The following NIPAL1 variants were observed in gnomAD, a reference collection of about 807,000 sequenced individuals.
The protein encoded by NIPAL1 is magnesium transporter NIPA3.
NIPAL1 carries 35 observed loss-of-function variants against 37.7 expected under a neutral mutation model. That is an observed-to-expected ratio of 0.93 (90% CI 0.71 to 1.23). The LOEUF is 1.23. Among genes scored for constraint, NIPAL1 ranks in the 50% most tolerant of loss-of-function variants. The pLI is 0.00. For missense variants in NIPAL1, 412 were observed against 473.9 expected, an observed-to-expected ratio of 0.87 and a Z score of 1.21; for synonymous variants, 162 against 183.0, an observed-to-expected ratio of 0.89 and a Z score of 0.93.
At chr4:48,019,151 G>A (rs1715517178) in intron 1 of NIPAL1, among the ~76,000 whole-genome samples, 1 of 152,264 alleles carries the variant, frequency 6.6e-6, no homozygotes, top group East Asian at 1.9e-4. Context: ...TCAAGTAGCT[G>A]GGAATACAGG....
chr4:48,023,169 C>G (rs1715613575), intron 1 of NIPAL1, among the ~76,000 whole-genome samples: 1 of 152,008 alleles, frequency 6.6e-6, no homozygotes, highest in Non-Finnish European at 1.5e-5. Flanking sequence ...CTCTGCCTCC[C>G]TAAGTGCTGG....
chr4:48,016,938 G>C (rs1342513416), intron 1 of NIPAL1, 53 bp downstream of exon 1: 1 of 1,501,124 alleles, frequency 6.7e-7, no homozygotes, highest in Non-Finnish European at 9.1e-7. Flanking sequence ...CGAAGAGACC[G>C]GGTGGGCGGT....
chr4:48,017,704 A>G (rs771867525), intron 1 of NIPAL1, among the ~76,000 whole-genome samples: 25 of 152,130 alleles, frequency 1.6e-4, no homozygotes, highest in Non-Finnish European at 3.4e-4. Flanking sequence ...AGGGGGAGCG[A>G]CTGGAAGGAT....
intron 1 of NIPAL1, among the ~76,000 whole-genome samples, chr4:48,019,550 G>C (rs937890695): frequency 6.6e-6 from 1 of 152,176 alleles, no homozygotes; most frequent in Non-Finnish European, 1.5e-5. Flanking sequence ...GAAGAAGCTA[G>C]CTATGCCAGC....
At chr4:48,023,901 G>A (rs1715626850) in intron 1 of NIPAL1, among the ~76,000 whole-genome samples, 1 of 150,960 alleles carries the variant, frequency 6.6e-6, no homozygotes. Flanking sequence ...CTTTTAAAAC[G>A]TTTTTTGAAA....
chr4:48,033,114 T>C, intron 4 of NIPAL1, 31 bp downstream of exon 4: 2 of 1,378,872 alleles, frequency 1.5e-6, no homozygotes, highest in Non-Finnish European at 2.1e-6. Flanking sequence ...TTGGCTTCTG[T>C]AGGTATTTTA....
At chr4:48,025,432 T>A in intron 2 of NIPAL1, 98 bp downstream of exon 2, 1 of 1,218,004 alleles carries the variant, frequency 8.2e-7, no homozygotes. Context: ...CTTGTGTAAT[T>A]ATAGTTATTG....
Position 48,016,888 on chromosome 4 carries a change from T to C in NIPAL1, c.46+3T>C. ...GCCCGGAGAGCCCTGCCGAGAAGGTTTGTGTCTGCCCTGAGCCGAGGGACC... is the reference window on the plus strand; with the variant it reads ...GCCCGGAGAGCCCTGCCGAGAAGGTCTGTGTCTGCCCTGAGCCGAGGGACC... On this transcript the variant is annotated splice_donor_region_variant and intron_variant, in intron 1 of 5. Transcript: ENST00000295461. 6.3e-7 allele frequency: 1 copy of C among 1,597,066 alleles called. No individual in the cohort carries two copies. Among genetic ancestry groups the C allele is most frequent in the Non-Finnish European group, 8.5e-7 (1 of 1,173,810 alleles).
chr4:48,019,762 T>A lies in NIPAL1; in HGVS notation c.46+2877T>A, dbSNP rs185886676. 3.3e-5 allele frequency among the ~76,000 whole-genome samples: 5 copies of A among 151,958 alleles called. 1 individual carries two copies. Among genetic ancestry groups the A allele is most frequent in the South Asian group, 2.1e-4 (1 of 4,800 alleles). The stretch of plus-strand genomic sequence containing the variant: ...AATGAGAAGGGAAGCCCTTGTGGAG[T>A]TTTGGAAGGAGGAATGACAAGATCA... On this transcript the variant is annotated intron_variant, in intron 1 of 5. Coordinates refer to ENST00000295461, the MANE Select transcript of NIPAL1 (RefSeq NM_207330.3).
chr4:48,019,668 G>GCT (rs1327948246), intron 1 of NIPAL1, among the ~76,000 whole-genome samples: 1 of 152,216 alleles, frequency 6.6e-6, no homozygotes, highest in Non-Finnish European at 1.5e-5. Context: ...AGGGAATGAG[G>GCT]TTAGGCAGCT....
chr4:48,037,304 A>C lies in NIPAL1; in HGVS notation c.*1132A>C, dbSNP rs1036767752. On this transcript the variant is annotated 3_prime_UTR_variant, in exon 6 of 6. Coordinates refer to ENST00000295461, the MANE Select transcript of NIPAL1 (RefSeq NM_207330.3). ...GTTCCATTAATTAACTCAGGTCTGG[A>C]AGACATAGGACAAAATGGAGTTTCT... 6.6e-5 allele frequency: 28 copies of C among 427,356 alleles called. No individual in the cohort carries two copies. In the Middle Eastern group the frequency reaches 1.0e-3, roughly 15 times the overall value. The allele number at this position is 427,356 out of a possible 1,614,324, so 26.5% of individuals were successfully genotyped here. A position where few individuals can be genotyped will look rare whatever the true frequency, so the allele number is the denominator to read the frequency against.
At chr4:48,034,462 A>T (rs894788842) in intron 4 of NIPAL1, among the ~76,000 whole-genome samples, 1 of 152,210 alleles carries the variant, frequency 6.6e-6, no homozygotes, top group Non-Finnish European at 1.5e-5. Flanking sequence ...GAACTAGCTG[A>T]TTATTAGCCC....
intron 4 of NIPAL1, 77 bp downstream of exon 4, chr4:48,033,160 G>A: frequency 1.1e-6 from 1 of 877,924 alleles, no homozygotes; most frequent in Non-Finnish European, 1.8e-6. Flanking sequence ...TAAACATATG[G>A]CTATGGATAT....
Position 48,035,733 on chromosome 4 carries a change from TA to T in NIPAL1, c.795del (p.Ile265MetfsTer23), listed in dbSNP as rs1560325961. On this transcript the variant is annotated frameshift_variant, in exon 6 of 6. Transcript: ENST00000295461. LOFTEE classifies it high-confidence loss of function. ...CTGGGAATTGCCATTAAGGAGCTGA[TA>T]GAATGGAAGCCAGTTTACAAACATC... ...KGLGIAIKEL[I>X]EWKPVYKHPL... 1.2e-6 allele frequency: 2 copies of T among 1,614,122 alleles called. No homozygotes were observed. The highest frequency in any genetic ancestry group is 2.7e-5 in the African/African-American group (2 of 75,048).
Position 48,039,239 on chromosome 4 carries a change from G to A in NIPAL1, c.*3067G>A, listed in dbSNP as rs533629558. ...GGGTGCCTATAATCCCAACTACCCC[G>A]GAGGCTGAGGCAGGGAATTGCTTGA... On this transcript the variant is annotated 3_prime_UTR_variant, in exon 6 of 6. Transcript: ENST00000295461. The A allele has an allele frequency of 3.3e-5, 5 of 152,062 alleles. No homozygotes were observed. The highest frequency in any genetic ancestry group is 2.1e-4 in the South Asian group (1 of 4,812). 9.4% of individuals were successfully genotyped at this position (152,062 alleles called of 1,614,324 possible).
chr4:48,016,865 C>T lies in NIPAL1; in HGVS notation c.26C>T (p.Pro9Leu). The change falls in exon 1 of 6, where the codon CCC (proline) becomes CTC (leucine). Residue 9 changes from proline (P) to leucine (L), a missense_variant. Pro to Leu is a moderately conservative substitution (Grantham distance 98). Transcript: ENST00000295461. ...ATGGGGGCACAGGTGAGGCTGCCGC[C>T]CGGAGAGCCCTGCCGAGAAGGTTTG... MGAQVRLPPGEPCREGYVL... is the reference protein window; with the variant it reads MGAQVRLPLGEPCREGYVL... The T allele has an allele frequency of 6.3e-7, 1 of 1,593,784 alleles. No individual in the cohort carries two copies. Among genetic ancestry groups the T allele is most frequent in the Non-Finnish European group, 8.5e-7 (1 of 1,173,098 alleles).
rs1716012304 is a variant in NIPAL1 at position 48,038,800 on chromosome 4, G to T, written c.*2628G>T. 6.7e-6 allele frequency: 1 copy of T among 149,508 alleles called. No individual in the cohort carries two copies. The highest frequency in any genetic ancestry group is 2.4e-5 in the African/African-American group (1 of 41,284). The allele number at this position is 149,508 out of a possible 1,614,324, so 9.3% of individuals were successfully genotyped here. A position where few individuals can be genotyped will look rare whatever the true frequency, so the allele number is the denominator to read the frequency against. ...GAATTTAAGTTTCAGACATTTCTTTGTGTCACCTTTTACAAGGTGTTTGCC... is the reference window on the plus strand; with the variant it reads ...GAATTTAAGTTTCAGACATTTCTTTTTGTCACCTTTTACAAGGTGTTTGCC... On this transcript the variant is annotated 3_prime_UTR_variant, in exon 6 of 6. Coordinates refer to ENST00000295461, the MANE Select transcript of NIPAL1 (RefSeq NM_207330.3).
At chr4:48,017,060 T>C (rs1438202651) in intron 1 of NIPAL1, among the ~76,000 whole-genome samples, 175 bp downstream of exon 1, 1 of 152,196 alleles carries the variant, frequency 6.6e-6, no homozygotes, top group Non-Finnish European at 1.5e-5. Context: ...TCAACACTTA[T>C]TTATGGGTGC....
intron 1 of NIPAL1, among the ~76,000 whole-genome samples, chr4:48,022,548 T>C (rs321623): frequency 0.82 from 124,292 of 152,146 alleles, 51,428 homozygotes; most frequent in Non-Finnish European, 0.89. Flanking sequence ...GAATGAGATC[T>C]ACCCACACTG....
Sources: allele counts gnomAD v4.1 joint callset (sites outside exome capture counted in the v4.1 genomes callset), GRCh38; gene constraint gnomAD v4.1.1; transcripts MANE v1.5; gene names NCBI Gene and HGNC (gene_info 2026-07-23, HGNC 2026-07-21).